ITIH2: variants seen among roughly 807,000 people sequenced by gnomAD.
ITIH2 encodes inter-alpha-trypsin inhibitor heavy chain 2, also known as inter-alpha-trypsin inhibitor heavy chain H2.
In ITIH2, 103 loss-of-function variants were observed where a neutral mutation model predicts 104.4. The observed-to-expected ratio is 0.99, with a 90% CI of 0.84 to 1.16. The LOEUF is 1.16. Among genes scored for constraint, ITIH2 ranks in the 50% most tolerant of loss-of-function variants. The pLI is 0.00. For missense variants in ITIH2, 1,108 were observed against 1,162.4 expected (o/e 0.95, Z 0.68); for synonymous variants, 436 against 435.4 (o/e 1.00, Z -0.02).
intron 16 of ITIH2, 79 bp from the exon 17 acceptor site, chr10:7,743,067 G>A (rs1176884116): frequency 4.1e-6 from 3 of 723,834 alleles, no homozygotes; most frequent in Non-Finnish European, 2.4e-6. Flanking sequence ...TTAAATTAAA[G>A]ATGTTCAGGA....
At position 7,738,654 on chromosome 10, in the gene ITIH2, A is replaced by G. The variant is rs760894518; in HGVS notation, c.1991A>G (p.Asp664Gly). 1 of 1,613,792 alleles carries G rather than the reference A, an allele frequency of 6.2e-7. No homozygotes were observed. Among genetic ancestry groups the G allele is most frequent in the African/African-American group, 1.3e-5 (1 of 74,860 alleles). The part of the protein sequence containing the change: ...ALYYGSKVVP[D>G]STPSWANPSP... ...TATTACGGCAGCAAAGTGGTTCCAG[A>G]TTCCACCCCGTCTTGGGCCAATCCT... The change falls in exon 16 of 21, where the codon GAT (aspartate) becomes GGT (glycine). Residue 664 changes from aspartate (D) to glycine (G), a missense_variant. By Grantham distance (94) the Asp-to-Gly change is moderately conservative (BLOSUM62 -1). Transcript: ENST00000358415.
Position 7,727,763 on chromosome 10 carries a change from T to C in ITIH2, c.1214T>C (p.Leu405Ser). 1 of 1,614,154 alleles carries C rather than the reference T, an allele frequency of 6.2e-7. No homozygotes were observed. Among genetic ancestry groups the C allele is most frequent in the South Asian group, 1.1e-5 (1 of 91,082 alleles). The stretch of plus-strand genomic sequence containing the variant: ...TTCATTTTGAATGAAGCCAATAACT[T>C]GGGACTGTTAGACCCCAACTCCGTC... ...AIFILNEANN[L>S]GLLDPNSVSL... Residue 405 changes from leucine to serine, a missense_variant, in exon 11 of 21, where the codon TTG becomes TCG. Coordinates refer to ENST00000358415, the MANE Select transcript of ITIH2 (RefSeq NM_002216.3).
At chr10:7,714,165 A>ATTTTTTTTTTTTTTTTTTT (rs996413668) in intron 5 of ITIH2, among the ~76,000 whole-genome samples, 3 of 84,044 alleles carry the variant, frequency 3.6e-5, no homozygotes, top group African/African-American at 1.5e-4. Flanking sequence ...CACACTCACT[A>ATTTTTTTTTTTTTTTTTTT]TTTTTTTTTT....
At chr10:7,709,865 T>A (rs1161546579) in intron 4 of ITIH2, among the ~76,000 whole-genome samples, 1 of 152,216 alleles carries the variant, frequency 6.6e-6, no homozygotes, top group Admixed American at 6.5e-5. Context: ...TGGCTTCTTT[T>A]TTTTTTGAGA....
Position 7,705,115 on chromosome 10 carries a change from A to T in ITIH2, c.92A>T (p.Asp31Val), listed in dbSNP as rs1023526089. The change falls in exon 2 of 21, where the codon GAC becomes GTC. Residue 31 changes from aspartate (D) to valine (V), a missense_variant. Physicochemically the swap from Asp to Val is radical, Grantham distance 152. Transcript: ENST00000358415. ...IPINGLSEFVDYEDLVELAPG... is the reference protein window; with the variant it reads ...IPINGLSEFVVYEDLVELAPG... ...ATCCTAATTTTTTTTAAGTTTGTAG[A>T]CTATGAAGATCTTGTGGAACTGGCC... 5.0e-6 allele frequency: 8 copies of T among 1,604,862 alleles called. No homozygotes were observed. Among genetic ancestry groups the T allele is most frequent in the Non-Finnish European group, 6.8e-6 (8 of 1,174,846 alleles).
chr10:7,717,519 G>A, intron 5 of ITIH2, 107 bp from the exon 6 acceptor site: 1 of 967,860 alleles, frequency 1.0e-6, no homozygotes, highest in Non-Finnish European at 1.6e-6. Context: ...ATGAACTACT[G>A]AGCAGAACGG....
chr10:7,734,652 G>A (rs1835035098), intron 14 of ITIH2, among the ~76,000 whole-genome samples: 1 of 152,090 alleles, frequency 6.6e-6, no homozygotes, highest in Non-Finnish European at 1.5e-5. Context: ...CCGTGATTGT[G>A]CCACTGCACT....
chr10:7,719,375 T>C (rs1467103752), intron 6 of ITIH2, among the ~76,000 whole-genome samples: 3 of 152,122 alleles, frequency 2.0e-5, no homozygotes, highest in East Asian at 1.9e-4. Flanking sequence ...CAATTAAGTG[T>C]GTTGTTGGAC....
chr10:7,746,553 A>G (rs767628887), intron 19 of ITIH2, 40 bp from the exon 20 acceptor site: 9 of 1,338,104 alleles, frequency 6.7e-6, no homozygotes, highest in Middle Eastern at 1.8e-4. Flanking sequence ...TTATTTAACT[A>G]TGATTACATG....
chr10:7,717,624 A>G lies in ITIH2; in HGVS notation c.468-2A>G. 1 of 1,612,268 alleles carries G rather than the reference A, an allele frequency of 6.2e-7. No homozygotes were observed. Among genetic ancestry groups the G allele is most frequent in the Non-Finnish European group, 8.5e-7 (1 of 1,178,498 alleles). On this transcript the variant is annotated splice_acceptor_variant, in intron 5 of 20. Transcript: ENST00000358415. LOFTEE classifies it high-confidence loss of function. ...ACTTTTGTTGGGGGCTTTCACCTTT[A>G]GGAGCAGCGCTCTTGATATGGAAAA...
Position 7,729,934 on chromosome 10 carries a change from G to T in ITIH2, c.1280-18G>T. ...ATTGCTTCTTCATTCCTTTCCTTTCGGACATCACCAACTTTAGGCGAACTA... is the reference window on the plus strand; with the variant it reads ...ATTGCTTCTTCATTCCTTTCCTTTCTGACATCACCAACTTTAGGCGAACTA... On this transcript the variant is annotated intron_variant, in intron 11 of 20. Coordinates refer to ENST00000358415, the MANE Select transcript of ITIH2 (RefSeq NM_002216.3). 2 of 1,558,468 alleles carry T rather than the reference G, an allele frequency of 1.3e-6. No individual in the cohort carries two copies. The highest frequency in any genetic ancestry group is 1.4e-5 in the African/African-American group (1 of 72,806).
intron 16 of ITIH2, among the ~76,000 whole-genome samples, chr10:7,741,652 C>T (rs1314220497): frequency 2.0e-5 from 3 of 152,180 alleles, no homozygotes; most frequent in African/African-American, 7.2e-5. Flanking sequence ...CTTTTAGTAA[C>T]ACTGCCACCA....
At chr10:7,728,112 T>C (rs1834968299) in intron 11 of ITIH2, among the ~76,000 whole-genome samples, 1 of 152,164 alleles carries the variant, frequency 6.6e-6, no homozygotes, top group African/African-American at 2.4e-5. Context: ...GCTGATGCAT[T>C]CTAGGGAAAT....
intron 9 of ITIH2, among the ~76,000 whole-genome samples, chr10:7,723,783 T>C (rs904630275): frequency 1.3e-5 from 2 of 152,166 alleles, no homozygotes; most frequent in Admixed American, 6.5e-5. Flanking sequence ...TAGTGTAAAA[T>C]TCCCTTCCTT....
chr10:7,733,295 C>G (rs1835021652), intron 14 of ITIH2, among the ~76,000 whole-genome samples: 1 of 151,894 alleles, frequency 6.6e-6, no homozygotes. Context: ...ATGTATCAGG[C>G]ATGTATTTGC....
At chr10:7,748,444 C>T (rs146365682) in intron 20 of ITIH2, among the ~76,000 whole-genome samples, 132 of 134,548 alleles carry the variant, frequency 9.8e-4, no homozygotes, top group Admixed American at 8.2e-3. Context: ...AAGTGGAGGA[C>T]ATGAATCTGC....
intron 4 of ITIH2, among the ~76,000 whole-genome samples, chr10:7,712,378 T>C (rs1057182974): frequency 6.2e-4 from 94 of 152,150 alleles, no homozygotes; most frequent in African/African-American, 2.1e-3. Context: ...CGTAATGTCA[T>C]CGTCCTAGGA....
chr10:7,739,640 C>T (rs1312216232), intron 16 of ITIH2, among the ~76,000 whole-genome samples: 1 of 152,162 alleles, frequency 6.6e-6, no homozygotes, highest in Non-Finnish European at 1.5e-5. Flanking sequence ...CTTGTAATCC[C>T]AGCACTTTTG....
At chr10:7,713,313 C>T (rs1449841611) in intron 5 of ITIH2, 28 bp downstream of exon 5, 13 of 1,554,178 alleles carry the variant, frequency 8.4e-6, no homozygotes, top group Non-Finnish European at 1.2e-5. Context: ...AAGGCTTGCC[C>T]TTGCCTCTCA....
Sources: gnomAD v4.1 joint callset for allele counts (sites outside exome capture counted in the v4.1 genomes callset) on GRCh38, gnomAD v4.1.1 for gene constraint, MANE v1.5 for transcripts, NCBI Gene and HGNC (gene_info 2026-07-23, HGNC 2026-07-21) for gene names.